The following CYP7B1 variants were observed in gnomAD, a reference collection of about 807,000 sequenced individuals.
CYP7B1 encodes the protein cytochrome P450 7B1.
Under a neutral mutation model 42.7 loss-of-function variants are expected in CYP7B1, and 29 were observed. The ratio of observed to expected loss-of-function variants is 0.68; its 90% CI spans 0.51 to 0.93. The LOEUF is 0.93. Ranked by LOEUF, CYP7B1 falls within the 40% of genes least tolerant of loss-of-function variation. The pLI is 0.00. For missense variants in CYP7B1, 655 were observed against 600.5 expected, an observed-to-expected ratio of 1.09 and a Z score of -0.95; for synonymous variants, 235 against 218.2, an observed-to-expected ratio of 1.08 and a Z score of -0.68.
intron 1 of CYP7B1, among the ~76,000 whole-genome samples, chr8:64,637,821 C>T (rs1449602063): frequency 6.6e-6 from 1 of 152,134 alleles, no homozygotes; most frequent in Non-Finnish European, 1.5e-5. Flanking sequence ...TCTATGTACT[C>T]ATCACTAATT....
At chr8:64,636,806 C>T (rs1349699081) in intron 1 of CYP7B1, among the ~76,000 whole-genome samples, 1 of 152,124 alleles carries the variant, frequency 6.6e-6, no homozygotes, top group Non-Finnish European at 1.5e-5. Flanking sequence ...GTTTCAACGG[C>T]CTAGACAATC....
At chr8:64,737,204 T>A (rs1476427711) in intron 1 of CYP7B1, among the ~76,000 whole-genome samples, 3 of 152,172 alleles carry the variant, frequency 2.0e-5, no homozygotes, top group Non-Finnish European at 2.9e-5. Context: ...CTGGACTCAA[T>A]CAATCCTCTG....
At chr8:64,707,316 A>G (rs1181555757) in intron 1 of CYP7B1, among the ~76,000 whole-genome samples, 1 of 152,114 alleles carries the variant, frequency 6.6e-6, no homozygotes, top group Admixed American at 6.6e-5. Flanking sequence ...ATCCCCTGAT[A>G]AGTGGCCAGG....
intron 1 of CYP7B1, among the ~76,000 whole-genome samples, chr8:64,778,979 G>C (rs540451842): frequency 9.9e-5 from 15 of 152,228 alleles, no homozygotes; most frequent in African/African-American, 3.4e-4. Flanking sequence ...GAAGGAGACA[G>C]CAGACCATTT....
At chr8:64,787,811 G>C (rs1476282322) in intron 1 of CYP7B1, among the ~76,000 whole-genome samples, 2 of 152,116 alleles carry the variant, frequency 1.3e-5, no homozygotes, top group Admixed American at 6.5e-5. Context: ...TTAAAAAATA[G>C]GTTTAATTGA....
intron 4 of CYP7B1, among the ~76,000 whole-genome samples, chr8:64,611,192 G>T (rs1805358012): frequency 6.6e-6 from 1 of 152,014 alleles, no homozygotes; most frequent in Non-Finnish European, 1.5e-5. Context: ...AAGGGCTCTG[G>T]TATCAGACAG....
intron 1 of CYP7B1, among the ~76,000 whole-genome samples, chr8:64,643,791 G>A (rs1805904307): frequency 6.6e-6 from 1 of 152,146 alleles, no homozygotes; most frequent in Admixed American, 6.5e-5. Context: ...ATTAGGAGTA[G>A]ATTCCATCCC....
At chr8:64,656,201 A>C (rs958212894) in intron 1 of CYP7B1, among the ~76,000 whole-genome samples, 3 of 152,212 alleles carry the variant, frequency 2.0e-5, no homozygotes, top group African/African-American at 7.2e-5. Flanking sequence ...TAAATAAATA[A>C]ATCACTACCC....
At position 64,606,759 on chromosome 8, in the gene CYP7B1, C is replaced by G. The variant is rs8192903; in HGVS notation, c.1058-1902G>C. On this transcript the variant is annotated intron_variant, in intron 4 of 5. Coordinates refer to ENST00000310193, the MANE Select transcript of CYP7B1 (RefSeq NM_004820.5). ...TTATGTGTGCGAGATGAGGTTGGCT[C>G]TCGCTCTGAGCCATCATGCCGATAA... Among the ~76,000 whole-genome samples the G allele has an allele frequency of 3.0e-4, 45 of 152,304 alleles. No homozygotes were observed. The East Asian group carries it at 7.3e-3, about 25-fold the overall frequency.
At chr8:64,684,767 T>A (rs1015277509) in intron 1 of CYP7B1, among the ~76,000 whole-genome samples, 2 of 152,172 alleles carry the variant, frequency 1.3e-5, no homozygotes, top group African/African-American at 4.8e-5. Flanking sequence ...CACAATGATA[T>A]GAAATGAAAT....
intron 1 of CYP7B1, among the ~76,000 whole-genome samples, chr8:64,627,633 C>G (rs1805628335): frequency 6.6e-6 from 1 of 152,100 alleles, no homozygotes; most frequent in Admixed American, 6.5e-5. Context: ...GGATAGGGCT[C>G]AGAAATCCAG....
chr8:64,719,258 A>C (rs779137257), intron 1 of CYP7B1, among the ~76,000 whole-genome samples: 3 of 152,186 alleles, frequency 2.0e-5, no homozygotes, highest in African/African-American at 4.8e-5. Flanking sequence ...AAAATATATT[A>C]AATTTATATT....
intron 1 of CYP7B1, among the ~76,000 whole-genome samples, chr8:64,747,254 G>A (rs760954678): frequency 1.6e-4 from 24 of 147,016 alleles, no homozygotes; most frequent in Admixed American, 8.9e-4. Flanking sequence ...AGTATTAAAC[G>A]TAGTATAAGT....
intron 2 of CYP7B1, among the ~76,000 whole-genome samples, chr8:64,620,255 G>T (rs1266028322): frequency 2.0e-5 from 3 of 152,140 alleles, no homozygotes; most frequent in East Asian, 1.9e-4. Flanking sequence ...TCTGTGTTTA[G>T]GTTGTTTTAC....
At chr8:64,786,784 G>T (rs531036524) in intron 1 of CYP7B1, among the ~76,000 whole-genome samples, 2 of 152,320 alleles carry the variant, frequency 1.3e-5, no homozygotes, top group Admixed American at 1.3e-4. Context: ...CCTAGCAAAG[G>T]TTCTCCATGA....
chr8:64,771,592 T>C (rs909923242), intron 1 of CYP7B1, among the ~76,000 whole-genome samples: 1 of 152,194 alleles, frequency 6.6e-6, no homozygotes, highest in Admixed American at 6.5e-5. Flanking sequence ...AAACTAAAAC[T>C]GGCCTCAGGT....
At chr8:64,722,575 T>C (rs143173735) in intron 1 of CYP7B1, among the ~76,000 whole-genome samples, 133 of 152,164 alleles carry the variant, frequency 8.7e-4, no homozygotes, top group African/African-American at 3.1e-3. Context: ...GATAACACAG[T>C]AGTTTTTTGC....
chr8:64,699,728 T>C (rs1806883874), intron 1 of CYP7B1, among the ~76,000 whole-genome samples: 1 of 152,072 alleles, frequency 6.6e-6, no homozygotes, highest in Non-Finnish European at 1.5e-5. Context: ...TTTCCTAAAA[T>C]AGCTAGCATT....
chr8:64,675,296 C>A (rs1293891863), intron 1 of CYP7B1, among the ~76,000 whole-genome samples: 5 of 152,056 alleles, frequency 3.3e-5, no homozygotes, highest in African/African-American at 1.2e-4. Context: ...GTGATTGTAA[C>A]AGTAAAGAAA....
Sources: allele counts gnomAD v4.1 joint callset (sites outside exome capture counted in the v4.1 genomes callset), GRCh38; gene constraint gnomAD v4.1.1; transcripts MANE v1.5; gene names NCBI Gene and HGNC (gene_info 2026-07-23, HGNC 2026-07-21).